CSMD1: variants seen among roughly 807,000 people sequenced by gnomAD.
CSMD1 encodes CUB and Sushi multiple domains 1, also known as CUB and sushi domain-containing protein 1.
CSMD1 carries 213 observed loss-of-function variants against 417.5 expected under a neutral mutation model. The observed-to-expected ratio is 0.51, with a 90% confidence interval of 0.46 to 0.57. The LOEUF (loss-of-function observed/expected upper bound fraction) is 0.57, where lower values mean the gene tolerates loss of function less well. Among genes scored for constraint, CSMD1 ranks in the 20% least tolerant of loss-of-function variants. The probability of loss-of-function intolerance (pLI) is 0.00; values close to 1 mark genes in which losing one functional copy is unlikely to be tolerated. For missense variants in CSMD1, 6,923 were observed against 4,529.7 expected, an observed-to-expected ratio of 1.53 and a Z score of -15.17; for synonymous variants, 2,862 against 1,736.8, an observed-to-expected ratio of 1.65 and a Z score of -16.11.
intron 5 of CSMD1, among the ~76,000 whole-genome samples, chr8:3,935,866 G>T (rs555203599): frequency 3.3e-5 from 5 of 152,052 alleles, no homozygotes; most frequent in Non-Finnish European, 7.4e-5. Context: ...AGAAATCATT[G>T]GCCTTAGTGA....
chr8:4,355,410 T>C (rs4292712), intron 3 of CSMD1, among the ~76,000 whole-genome samples: 54,892 of 151,752 alleles, frequency 0.36, 11,514 homozygotes, highest in East Asian at 0.54. Context: ...TTAACAGAAG[T>C]AGCGAATTCA....
chr8:4,303,537 G>C lies in CSMD1; in HGVS notation c.415+116416C>G, dbSNP rs867641119. Among the ~76,000 whole-genome samples the C allele has an allele frequency of 2.8e-5, 4 of 142,228 alleles. No individual in the cohort carries two copies. In the East Asian group the frequency reaches 6.5e-4, roughly 23 times the overall value. The allele number at this position is 142,228 out of a possible 152,430, so 93.3% of individuals were successfully genotyped here. On this transcript the variant is annotated intron_variant, in intron 3 of 69. Coordinates refer to ENST00000635120, the MANE Select transcript of CSMD1 (RefSeq NM_033225.6). ...GTCTATATTCAAAGATTCTGTAAAA[G>C]GAAAATAAATTTTAAAAAATTTCTT...
chr8:3,194,783 T>C (rs1406539521), intron 33 of CSMD1, among the ~76,000 whole-genome samples: 2 of 151,972 alleles, frequency 1.3e-5, no homozygotes, highest in Non-Finnish European at 2.9e-5. Flanking sequence ...TTAACTATAT[T>C]TCCATGAATG....
chr8:3,395,525 AT>A (rs1811633596), intron 17 of CSMD1, among the ~76,000 whole-genome samples: 1 of 152,228 alleles, frequency 6.6e-6, no homozygotes, highest in African/African-American at 2.4e-5. Context: ...TAAAACTTTG[AT>A]TTCAGTAAAC....
chr8:3,614,855 C>G (rs1174497003), intron 8 of CSMD1, among the ~76,000 whole-genome samples: 1 of 152,066 alleles, frequency 6.6e-6, no homozygotes, highest in Non-Finnish European at 1.5e-5. Flanking sequence ...GATGTGTGAG[C>G]ACATCGTGAT....
intron 31 of CSMD1, among the ~76,000 whole-genome samples, chr8:3,202,313 C>A (rs1465926641): frequency 1.3e-5 from 2 of 152,210 alleles, no homozygotes; most frequent in African/African-American, 4.8e-5. Context: ...ATTATAATGC[C>A]AAATTCACAT....
chr8:3,714,405 C>G (rs1008156917), intron 6 of CSMD1, among the ~76,000 whole-genome samples: 2 of 150,726 alleles, frequency 1.3e-5, no homozygotes, highest in African/African-American at 4.9e-5. Flanking sequence ...TATATATTAA[C>G]TTACATTTGG....
intron 5 of CSMD1, among the ~76,000 whole-genome samples, chr8:3,987,366 G>A (rs940089791): frequency 6.6e-6 from 1 of 152,186 alleles, no homozygotes; most frequent in Admixed American, 6.5e-5. Flanking sequence ...TTGCTTATTT[G>A]TTGTTTATCA....
At chr8:4,243,137 T>A (rs915502673) in intron 3 of CSMD1, among the ~76,000 whole-genome samples, 7 of 151,830 alleles carry the variant, frequency 4.6e-5, no homozygotes, top group African/African-American at 1.5e-4. Context: ...AATTGAGCAG[T>A]TGGAAAAAGG....
At chr8:3,719,203 C>G (rs975345559) in intron 6 of CSMD1, among the ~76,000 whole-genome samples, 7 of 152,110 alleles carry the variant, frequency 4.6e-5, no homozygotes, top group Non-Finnish European at 1.5e-5. Context: ...AAATTTCCTA[C>G]TGGGATTATC....
chr8:4,942,421 T>C (rs11996410), intron 1 of CSMD1, among the ~76,000 whole-genome samples: 1 of 151,618 alleles, frequency 6.6e-6, no homozygotes, highest in African/African-American at 2.4e-5. Context: ...GAATTCACAG[T>C]TATCTACATC....
chr8:3,183,639 C>T (rs535756106), intron 36 of CSMD1, among the ~76,000 whole-genome samples: 1 of 152,032 alleles, frequency 6.6e-6, no homozygotes, highest in East Asian at 2.0e-4. Flanking sequence ...CATCGGCATC[C>T]ACCGACGTCA....
chr8:4,395,552 G>A (rs1399985417), intron 3 of CSMD1, among the ~76,000 whole-genome samples: 1 of 151,758 alleles, frequency 6.6e-6, no homozygotes, highest in African/African-American at 2.4e-5. Context: ...CTGTCGTGGA[G>A]CTATAACTAT....
chr8:4,586,540 A>C (rs1761606321), intron 2 of CSMD1, among the ~76,000 whole-genome samples: 1 of 152,134 alleles, frequency 6.6e-6, no homozygotes, highest in Admixed American at 6.5e-5. Flanking sequence ...AGGAAAAATC[A>C]ATGTTTTTAT....
In CSMD1 at chr8:3,586,230, C is replaced by G. The variant is rs781307092; in HGVS notation, c.1128G>C (p.Glu376Asp). ...TAGATCCCTGGAGCACGTAATTGTC[C>G]TCACATGAAAACTGTACATTTGCAC... ...RVGANVQFSC[E>D]DNYVLQGSKS... is the part of the protein sequence containing the mutation. Residue 376 changes from glutamate to aspartate, a missense_variant, in exon 9 of 70, where the codon GAG becomes GAC. Physicochemically the swap from Glu to Asp is conservative, Grantham distance 45. Coordinates refer to ENST00000635120, the MANE Select transcript of CSMD1 (RefSeq NM_033225.6). 1.2e-6 allele frequency: 2 copies of G among 1,611,570 alleles called. No homozygotes were observed. Among genetic ancestry groups the G allele is most frequent in the South Asian group, 2.2e-5 (2 of 90,784 alleles).
At chr8:3,710,729 T>C (rs1380854292) in intron 6 of CSMD1, among the ~76,000 whole-genome samples, 2 of 152,146 alleles carry the variant, frequency 1.3e-5, no homozygotes, top group African/African-American at 4.8e-5. Context: ...TCAGGAGGCA[T>C]CCTCCAACCT....
chr8:4,036,933 G>C (rs548110889), intron 3 of CSMD1, among the ~76,000 whole-genome samples: 2 of 151,288 alleles, frequency 1.3e-5, no homozygotes, highest in Non-Finnish European at 2.9e-5. Flanking sequence ...ATGTGCCCTG[G>C]ATCCTAGTAT....
intron 52 of CSMD1, 104 bp from the exon 53 acceptor site, chr8:3,000,235 A>T (rs1401149169): frequency 1.6e-6 from 1 of 609,824 alleles, no homozygotes; most frequent in African/African-American, 1.9e-5. Context: ...TGAAGGCGCA[A>T]CATATTGAAA....
intron 7 of CSMD1, among the ~76,000 whole-genome samples, chr8:3,619,305 G>A (rs910997211): frequency 1.3e-5 from 2 of 152,048 alleles, no homozygotes; most frequent in African/African-American, 4.8e-5. Context: ...ACGTTCAGAG[G>A]CCCACTAATT....
Sources: allele counts gnomAD v4.1 joint callset (sites outside exome capture counted in the v4.1 genomes callset), GRCh38; gene constraint gnomAD v4.1.1; transcripts MANE v1.5; gene names NCBI Gene and HGNC (gene_info 2026-07-23, HGNC 2026-07-21).